The following SERPINA1 variants were observed in gnomAD, a reference collection of about 807,000 sequenced individuals.
SERPINA1 encodes alpha-1-antitrypsin.
Under a neutral mutation model 25.4 loss-of-function variants are expected in SERPINA1, and 21 were observed. That is an observed-to-expected ratio of 0.83 (90% CI 0.59 to 1.19). SERPINA1 has a LOEUF of 1.19. Ranked by LOEUF, SERPINA1 falls within the 50% of genes most tolerant of loss-of-function variation. SERPINA1 has a pLI of 0.00. For missense variants in SERPINA1, 546 were observed against 509.0 expected, an observed-to-expected ratio of 1.07 and a Z score of -0.70; for synonymous variants, 218 against 211.1, an observed-to-expected ratio of 1.03 and a Z score of -0.29.
chr14:94,389,832 C>T (rs1317406464), upstream of SERPINA1: 2 of 152,256 alleles, frequency 1.3e-5, no homozygotes, highest in African/African-American at 4.8e-5. Flanking sequence ...CACATTCAGA[C>T]CAGGGAACCC....
At chr14:94,385,816 T>C (rs984855877) in intron 1 of SERPINA1, among the ~76,000 whole-genome samples, 1 of 152,134 alleles carries the variant, frequency 6.6e-6, no homozygotes, top group African/African-American at 2.4e-5. Flanking sequence ...CACCCATCCA[T>C]CTTTCCTGGT....
intron 1 of SERPINA1, among the ~76,000 whole-genome samples, chr14:94,386,606 G>A (rs1410659273): frequency 6.6e-6 from 1 of 152,178 alleles, no homozygotes; most frequent in Non-Finnish European, 1.5e-5. Context: ...GTGGGCACCA[G>A]GTGAGGAAGC....
Position 94,382,883 on chromosome 14 carries a change from C to T in SERPINA1, c.355G>A (p.Gly119Ser). Residue 119 changes from glycine to serine, a missense_variant, in exon 2 of 5, where the codon GGC becomes AGC. By Grantham distance (56) the Gly-to-Ser change is moderately conservative (BLOSUM62 0). Transcript: ENST00000393087. ...TEIPEAQIHE[G>S]FQELLRTLNQ... ...AGGGTACGGAGGAGTTCCTGGAAGC[C>T]TTCATGGATCTGAGCCTCCGGAATC... 6.2e-7 allele frequency: 1 copy of T among 1,614,090 alleles called. No homozygotes were observed. Among genetic ancestry groups the T allele is most frequent in the Non-Finnish European group, 8.5e-7 (1 of 1,179,908 alleles).
At chr14:94,384,485 C>T (rs944275054) in intron 1 of SERPINA1, among the ~76,000 whole-genome samples, 10 of 152,228 alleles carry the variant, frequency 6.6e-5, no homozygotes, top group Non-Finnish European at 1.0e-4. Context: ...GCTGAACCAG[C>T]GAGAGCAGGC....
At chr14:94,389,380 C>G (rs1315227897), upstream of SERPINA1, among the ~76,000 whole-genome samples, 1 of 152,212 alleles carries the variant, frequency 6.6e-6, no homozygotes, top group Non-Finnish European at 1.5e-5. Context: ...TTATGTGGGT[C>G]TGCACAGCCC....
intron 4 of SERPINA1, chr14:94,379,101 A>G (rs1194725757): frequency 5.3e-6 from 3 of 568,446 alleles, no homozygotes; most frequent in Non-Finnish European, 9.4e-6. Context: ...TAATTCAGAC[A>G]CCAAATCTCA....
upstream of SERPINA1, among the ~76,000 whole-genome samples, chr14:94,389,257 T>G (rs561322193): frequency 6.6e-6 from 1 of 152,318 alleles, no homozygotes; most frequent in Non-Finnish European, 1.5e-5. Context: ...GCAGGCCGCT[T>G]CACCTCTCTG....
At chr14:94,380,547 G>T (rs985978488) in intron 3 of SERPINA1, 4 of 406,194 alleles carry the variant, frequency 9.8e-6, no homozygotes, top group Non-Finnish European at 1.8e-5. Context: ...TTTTGGTTCT[G>T]CCAGAACGTG....
chr14:94,379,303 C>A, intron 4 of SERPINA1, 161 bp downstream of exon 4: 1 of 1,091,312 alleles, frequency 9.2e-7, no homozygotes, highest in Non-Finnish European at 1.4e-6. Flanking sequence ...TGCTGTTTGA[C>A]CACGTCCCGT....
intron 1 of SERPINA1, among the ~76,000 whole-genome samples, chr14:94,387,560 G>C (rs57786536): frequency 6.6e-6 from 1 of 152,150 alleles, no homozygotes; most frequent in East Asian, 1.9e-4. Context: ...ATCATGTTTT[G>C]CCCAAGAGAA....
At chr14:94,382,535 T>G in intron 2 of SERPINA1, 57 bp downstream of exon 2, 28 of 1,605,682 alleles carry the variant, frequency 1.7e-5, no homozygotes, top group Non-Finnish European at 2.3e-5. Context: ...ACTGATGGTT[T>G]GAGAATATTT....
At chr14:94,380,741 C>T in intron 3 of SERPINA1, 130 bp downstream of exon 3, 1 of 1,206,850 alleles carries the variant, frequency 8.3e-7, no homozygotes, top group Non-Finnish European at 1.2e-6. Context: ...CAAGTTTATA[C>T]AGAGTAGCAG....
intron 2 of SERPINA1, 120 bp from the exon 3 acceptor site, chr14:94,381,261 T>TC (rs1896895885): frequency 2.1e-6 from 2 of 965,712 alleles, no homozygotes; most frequent in Admixed American, 4.2e-5. Flanking sequence ...ACGACACACA[T>TC]CCCTCGAGGC....
chr14:94,380,076 G>A (rs1896772807), intron 3 of SERPINA1, among the ~76,000 whole-genome samples: 1 of 152,282 alleles, frequency 6.6e-6, no homozygotes, highest in Non-Finnish European at 1.5e-5. Flanking sequence ...TCTGGTGTGA[G>A]CGGGCAGCTT....
Position 94,383,390 on chromosome 14 carries a change from CAGA to C in SERPINA1, c.-4-152_-4-150del, listed in dbSNP as rs566221741. On this transcript the variant is annotated intron_variant, in intron 1 of 4. Transcript: ENST00000393087. ...CCGACATCAGTAACACTGAAAGAAT[CAGA>C]AGAATAGCAAAATGTACGTAGTGCT... 1.2e-3 allele frequency: 960 copies of C among 776,566 alleles called. 1 individual carries two copies. The highest frequency in any genetic ancestry group is 1.6e-3 in the Non-Finnish European group (784 of 478,668). 48.1% of individuals were successfully genotyped at this position (776,566 alleles called of 1,614,324 possible).
intron 1 of SERPINA1, among the ~76,000 whole-genome samples, chr14:94,386,552 G>T (rs558877849): frequency 1.3e-5 from 2 of 152,306 alleles, no homozygotes; most frequent in Admixed American, 1.3e-4. Flanking sequence ...ATGGAGAAAA[G>T]AATCCTTTGG....
In SERPINA1 at chr14:94,378,510, A is replaced by G. The variant is rs777537335; in HGVS notation, c.1196T>C (p.Ile399Thr). 9 of 1,613,904 alleles carry G rather than the reference A, an allele frequency of 5.6e-6. No homozygotes were observed. Among genetic ancestry groups the G allele is most frequent in the Admixed American group, 1.7e-5 (1 of 59,978 alleles). Residue 399 changes from isoleucine (I) to threonine (T), a missense_variant, in exon 5 of 5, where the codon ATT becomes ACT. Transcript: ENST00000393087. Reference protein sequence around the residue: ...KFNKPFVFLMIEQNTKSPLFM... With the variant: ...KFNKPFVFLMTEQNTKSPLFM... ...GAGGGGAGACTTGGTATTTTGTTCA[A>G]TCATTAAGAAGACAAAGGGTTTGTT... is the stretch of plus-strand genomic sequence containing the variant.
intron 3 of SERPINA1, among the ~76,000 whole-genome samples, chr14:94,379,936 AC>A (rs1896756257): frequency 6.6e-6 from 1 of 152,244 alleles, no homozygotes; most frequent in African/African-American, 2.4e-5. Flanking sequence ...AGGGCCCTAC[AC>A]CCAGAGAAAC....
At chr14:94,388,406 T>C (rs1897435184) in intron 1 of SERPINA1, among the ~76,000 whole-genome samples, 154 bp downstream of exon 1, 2 of 151,794 alleles carry the variant, frequency 1.3e-5, no homozygotes, top group Non-Finnish European at 2.9e-5. Flanking sequence ...ATTATGAAAA[T>C]AGGAGCTCAG....
Sources: gnomAD v4.1 joint callset for allele counts (sites outside exome capture counted in the v4.1 genomes callset) on GRCh38, gnomAD v4.1.1 for gene constraint, MANE v1.5 for transcripts, NCBI Gene and HGNC (gene_info 2026-07-23, HGNC 2026-07-21) for gene names.